Variants in CABLES1 observed in about 807,000 individuals in gnomAD.
CABLES1 encodes the protein CDK5 and ABL1 enzyme substrate 1.
CABLES1 carries 36 observed loss-of-function variants against 57.8 expected under a neutral mutation model. The ratio of observed to expected loss-of-function variants is 0.62; its 90% CI spans 0.48 to 0.82. The LOEUF (loss-of-function observed/expected upper bound fraction) is 0.82. CABLES1 is among the 40% of genes least tolerant of loss of function. The pLI is 0.00. For missense variants in CABLES1, 767 were observed against 836.6 expected (o/e 0.92, Z 1.03); for synonymous variants, 374 against 363.0 (o/e 1.03, Z -0.35).
intron 7 of CABLES1, among the ~76,000 whole-genome samples, chr18:23,243,181 G>C (rs1196983170): frequency 1.3e-5 from 2 of 152,044 alleles, no homozygotes; most frequent in African/African-American, 2.4e-5. Flanking sequence ...GGAAGCTAAT[G>C]CAAGACCCTT....
At chr18:23,174,722 T>C (rs1279414989) in intron 1 of CABLES1, among the ~76,000 whole-genome samples, 3 of 150,488 alleles carry the variant, frequency 2.0e-5, no homozygotes, top group Non-Finnish European at 4.4e-5. Flanking sequence ...TCCGCCCACC[T>C]TGGCCTCCCA....
intron 6 of CABLES1, among the ~76,000 whole-genome samples, chr18:23,236,400 T>A (rs1043680105): frequency 1.4e-5 from 2 of 148,018 alleles, no homozygotes; most frequent in South Asian, 4.3e-4. Flanking sequence ...ATTCGGACTT[T>A]AAAAAAAAAA....
chr18:23,244,040 C>A (rs1055185305), intron 7 of CABLES1, among the ~76,000 whole-genome samples: 1 of 152,184 alleles, frequency 6.6e-6, no homozygotes, highest in Non-Finnish European at 1.5e-5. Flanking sequence ...GTATTTGTCT[C>A]GGATTTTTGA....
intron 2 of CABLES1, among the ~76,000 whole-genome samples, chr18:23,191,042 G>A (rs2047238939): frequency 7.2e-6 from 1 of 139,646 alleles, no homozygotes; most frequent in African/African-American, 2.7e-5. Flanking sequence ...TTAGGAGTTT[G>A]AGATCATCCT....
intron 4 of CABLES1, among the ~76,000 whole-genome samples, chr18:23,232,734 A>G (rs1568078580): frequency 6.6e-6 from 1 of 152,190 alleles, no homozygotes; most frequent in East Asian, 1.9e-4. Context: ...TGCTGTGGAA[A>G]TGCAGCACTT....
chr18:23,165,211 TA>T (rs1441585670), intron 1 of CABLES1, among the ~76,000 whole-genome samples: 1 of 152,170 alleles, frequency 6.6e-6, no homozygotes, highest in Non-Finnish European at 1.5e-5. Context: ...TCCTCCCAAG[TA>T]GCTAGGACTG....
intron 1 of CABLES1, among the ~76,000 whole-genome samples, chr18:23,162,794 G>A (rs1271649439): frequency 6.6e-6 from 1 of 152,178 alleles, no homozygotes; most frequent in East Asian, 1.9e-4. Flanking sequence ...TGGTGTAAGA[G>A]TCCCTTTGGG....
chr18:23,147,534 T>C (rs1179992159), intron 1 of CABLES1, among the ~76,000 whole-genome samples: 1 of 152,200 alleles, frequency 6.6e-6, no homozygotes, highest in Non-Finnish European at 1.5e-5. Flanking sequence ...CAAGAAGCCG[T>C]TGAGAAATTT....
In CABLES1 at chr18:23,244,714, A is replaced by T. The variant is rs1274908759; in HGVS notation, c.1446+7469A>T. Among the ~76,000 whole-genome samples, 7 of 152,364 alleles carry T rather than the reference A, an allele frequency of 4.6e-5. No individual in the cohort carries two copies. In the East Asian group the frequency reaches 1.2e-3, roughly 25 times the overall value. Reference sequence around the variant, plus strand: ...GGCGCTGGAAGGAGCTGTGTGGCTCATTGCCTTGTATCCTTCCTTCCTTTC... The same window carrying T: ...GGCGCTGGAAGGAGCTGTGTGGCTCTTTGCCTTGTATCCTTCCTTCCTTTC... On this transcript the variant is annotated intron_variant, in intron 7 of 9. Coordinates refer to ENST00000256925, the MANE Select transcript of CABLES1 (RefSeq NM_001100619.3).
chr18:23,234,510 T>C, intron 4 of CABLES1, 98 bp from the exon 5 acceptor site: 1 of 899,966 alleles, frequency 1.1e-6, no homozygotes, highest in Non-Finnish European at 1.8e-6. Flanking sequence ...CTGGTCATTT[T>C]CATCGGTGTG....
rs2047583193 is a variant in CABLES1 at position 23,233,834 on chromosome 18, C to T, written c.1089-774C>T. On this transcript the variant is annotated intron_variant, in intron 4 of 9. Transcript: ENST00000256925. ...TACTGTGGCATTAATTCTTTCATCA[C>T]CAACAATAAACCCAGTAGGTGTTTA... 2.0e-5 allele frequency among the ~76,000 whole-genome samples: 3 copies of T among 152,168 alleles called. No homozygotes were observed. In the South Asian group the frequency reaches 6.2e-4, roughly 32 times the overall value.
At chr18:23,249,705 G>C (rs1381910715) in intron 7 of CABLES1, among the ~76,000 whole-genome samples, 1 of 152,192 alleles carries the variant, frequency 6.6e-6, no homozygotes, top group Non-Finnish European at 1.5e-5. Flanking sequence ...CAGGGAGGTT[G>C]AGTGACTTTC....
At chr18:23,192,848 A>C (rs981618932) in intron 2 of CABLES1, among the ~76,000 whole-genome samples, 1 of 152,118 alleles carries the variant, frequency 6.6e-6, no homozygotes, top group Non-Finnish European at 1.5e-5. Flanking sequence ...GCTCTCAGAG[A>C]GCAAAAGGCA....
At chr18:23,236,663 G>A (rs1020006923) in intron 6 of CABLES1, among the ~76,000 whole-genome samples, 3 of 152,218 alleles carry the variant, frequency 2.0e-5, no homozygotes, top group Admixed American at 6.5e-5. Context: ...CTAGTGTTCC[G>A]GCCACCTCTG....
intron 1 of CABLES1, among the ~76,000 whole-genome samples, chr18:23,187,923 G>A (rs1333562948): frequency 6.6e-6 from 1 of 152,150 alleles, no homozygotes; most frequent in Admixed American, 6.5e-5. Flanking sequence ...ATTAGAACAT[G>A]GTTATGACTG....
intron 1 of CABLES1, among the ~76,000 whole-genome samples, chr18:23,171,491 C>G (rs55981836): frequency 0.025 from 3,765 of 152,326 alleles, 79 homozygotes; most frequent in Non-Finnish European, 0.038. Flanking sequence ...ATCAGCCCTG[C>G]TTATCCTTAG....
At chr18:23,220,971 TG>T (rs1161887666) in intron 4 of CABLES1, among the ~76,000 whole-genome samples, 4 of 152,160 alleles carry the variant, frequency 2.6e-5, no homozygotes, top group African/African-American at 7.2e-5. Flanking sequence ...TGCAGAGGTG[TG>T]GGTGTTCCTG....
At position 23,248,536 on chromosome 18, in the gene CABLES1, TTTA is replaced by T. The variant is rs1183168781; in HGVS notation, c.1447-4423_1447-4421del. On this transcript the variant is annotated intron_variant, in intron 7 of 9. Transcript: ENST00000256925. Reference sequence around the variant, plus strand: ...TCTTTTTTTTTTTTTTTTTTTTTTTTTTAAAAAAAGGCTGGACGTGGTGGCTCA... The same window carrying T: ...TCTTTTTTTTTTTTTTTTTTTTTTTTAAAAAAGGCTGGACGTGGTGGCTCA... 2.4e-3 allele frequency among the ~76,000 whole-genome samples: 234 copies of T among 97,332 alleles called. 5 individuals are homozygous for T. In the East Asian group the frequency reaches 0.03, roughly 12 times the overall value. 63.9% of individuals were successfully genotyped at this position (97,332 alleles called of 152,430 possible).
intron 1 of CABLES1, among the ~76,000 whole-genome samples, chr18:23,177,871 C>G (rs1358428910): frequency 2.6e-5 from 4 of 152,172 alleles, no homozygotes; most frequent in African/African-American, 9.7e-5. Flanking sequence ...AACCATGGGA[C>G]CAGGTGCTGC....
Sources: allele counts gnomAD v4.1 joint callset (sites outside exome capture counted in the v4.1 genomes callset), GRCh38; gene constraint gnomAD v4.1.1; transcripts MANE v1.5; gene names NCBI Gene and HGNC (gene_info 2026-07-23, HGNC 2026-07-21).